Variants in CAST observed in about 807,000 individuals in gnomAD.
CAST encodes MIR583 host.
A neutral mutation model predicts 119.6 loss-of-function variants in CAST; 76 were observed. The observed-to-expected ratio is 0.64, with a 90% CI of 0.53 to 0.77. The LOEUF (loss-of-function observed/expected upper bound fraction) is 0.77, where lower values mean the gene tolerates loss of function less well. Ranked by LOEUF, CAST falls within the 30% of genes least tolerant of loss-of-function variation. The pLI is 0.00. For missense variants in CAST, 953 were observed against 946.5 expected, an observed-to-expected ratio of 1.01 and a Z score of -0.09; for synonymous variants, 319 against 331.6, an observed-to-expected ratio of 0.96 and a Z score of 0.41.
At chr5:96,310,369 C>T in the CAST span, among the ~76,000 whole-genome samples, 1 of 152,146 alleles carries the variant, frequency 6.6e-6, no homozygotes, top group East Asian at 1.9e-4. Flanking sequence ...TGATGTTAAT[C>T]AAAAATATTT....
the CAST span, among the ~76,000 whole-genome samples, chr5:96,387,793 G>T: frequency 6.6e-6 from 1 of 152,188 alleles, no homozygotes; most frequent in African/African-American, 2.4e-5. Context: ...TGTAAAATAT[G>T]TAAGACAGAA....
the CAST span, among the ~76,000 whole-genome samples, chr5:95,966,374 A>G: frequency 1.3e-5 from 2 of 152,146 alleles, no homozygotes; most frequent in Non-Finnish European, 2.9e-5. Flanking sequence ...TTCTAGCCTC[A>G]GCAAAGTCAA....
At chr5:96,657,924 T>G (rs1311122217), upstream of CAST, among the ~76,000 whole-genome samples, 1 of 151,940 alleles carries the variant, frequency 6.6e-6, no homozygotes. Flanking sequence ...TGGCAAAACC[T>G]CATCTCTACT....
At chr5:96,537,808 T>C (rs992769076) in intron 1 of CAST, among the ~76,000 whole-genome samples, 1 of 152,162 alleles carries the variant, frequency 6.6e-6, no homozygotes, top group African/African-American at 2.4e-5. Flanking sequence ...TCTCAGCACA[T>C]TTTCCCCATC....
the CAST span, among the ~76,000 whole-genome samples, chr5:96,083,910 T>C: frequency 1.6e-4 from 24 of 152,340 alleles, no homozygotes; most frequent in African/African-American, 5.1e-4. Flanking sequence ...ACTACTTGCA[T>C]TTGAATCCTG....
the CAST span, among the ~76,000 whole-genome samples, chr5:96,395,178 A>G: frequency 0.013 from 1,962 of 152,344 alleles, 124 homozygotes; most frequent in East Asian, 0.19. Context: ...CTCTTGCTAT[A>G]AAAATTGACA....
chr5:96,516,317 C>T, the CAST span, among the ~76,000 whole-genome samples: 22,403 of 151,858 alleles, frequency 0.15, 1,977 homozygotes, highest in Middle Eastern at 0.21. Flanking sequence ...CTCAGCTCAA[C>T]GATCTCCCAC....
chr5:96,754,387 C>T (rs1042648956), intron 21 of CAST, among the ~76,000 whole-genome samples: 1 of 152,172 alleles, frequency 6.6e-6, no homozygotes, highest in Admixed American at 6.5e-5. Flanking sequence ...GCCTCTGAGT[C>T]TCATCTTTGC....
chr5:96,745,507 T>C (rs1315812280), intron 16 of CAST, among the ~76,000 whole-genome samples: 1 of 152,242 alleles, frequency 6.6e-6, no homozygotes, highest in Non-Finnish European at 1.5e-5. Context: ...TAGGCTAAGA[T>C]GCAGATGGGG....
chr5:96,465,867 G>C, the CAST span, among the ~76,000 whole-genome samples: 4 of 152,052 alleles, frequency 2.6e-5, no homozygotes, highest in Admixed American at 2.6e-4. Flanking sequence ...ATCTAGGAAT[G>C]GGCACAGCCA....
At chr5:96,687,095 A>G (rs1399019493) in intron 2 of CAST, among the ~76,000 whole-genome samples, 3 of 152,220 alleles carry the variant, frequency 2.0e-5, no homozygotes, top group Non-Finnish European at 4.4e-5. Context: ...TGGAAAATTA[A>G]AAGGAAACAT....
intron 1 of CAST, among the ~76,000 whole-genome samples, chr5:96,603,409 C>T (rs1342476942): frequency 1.3e-5 from 2 of 151,614 alleles, no homozygotes; most frequent in East Asian, 1.9e-4. Context: ...TTTTTTTAAC[C>T]TTTTAAAAGC....
chr5:96,740,943 G>T (rs931557044), intron 13 of CAST, 160 bp downstream of exon 13: 1 of 624,022 alleles, frequency 1.6e-6, no homozygotes, highest in South Asian at 2.0e-5. Context: ...TGGGAGGGTT[G>T]TCTCAGTGCT....
the CAST span, among the ~76,000 whole-genome samples, chr5:96,062,354 G>A: frequency 6.6e-6 from 1 of 152,124 alleles, no homozygotes; most frequent in South Asian, 2.1e-4. Context: ...GGGTGTAAGT[G>A]CAGCATATCC....
Position 96,740,803 on chromosome 5 carries a change from T to A in CAST, c.918+20T>A. 2.0e-6 allele frequency: 3 copies of A among 1,513,426 alleles called. No homozygotes were observed. Among genetic ancestry groups the A allele is most frequent in the Non-Finnish European group, 2.8e-6 (3 of 1,088,574 alleles). The allele number at this position is 1,513,426 out of a possible 1,614,324, so 93.7% of individuals were successfully genotyped here. A position where few individuals can be genotyped will look rare whatever the true frequency, so the allele number is the denominator to read the frequency against. ...TCTTCGGTGAGTTTACATACATGTC[T>A]TCTGATCTAAATTAATAGTTTTATA... On this transcript the variant is annotated intron_variant, in intron 13 of 31. Transcript: ENST00000675179.
chr5:96,618,451 G>A lies in CAST; in HGVS notation c.61-57088G>A, dbSNP rs555650956. 1.9e-3 allele frequency among the ~76,000 whole-genome samples: 282 copies of A among 152,352 alleles called. 1 individual carries two copies. The highest frequency in any genetic ancestry group is 6.5e-3 in the African/African-American group (272 of 41,596). On this transcript the variant is annotated intron_variant, in intron 1 of 11. Transcript: ENST00000505143. ...TTCAGCCTGCCACTGCACTGTGGGA[G>A]CCCCTCTCTGGGCTGGCTGAGGCTG...
At chr5:96,482,280 C>T in the CAST span, among the ~76,000 whole-genome samples, 3,355 of 151,902 alleles carry the variant, frequency 0.022, 104 homozygotes, top group African/African-American at 0.073. Context: ...AAGGTTAGCA[C>T]AGGTTAGTAC....
intron 1 of CAST, among the ~76,000 whole-genome samples, chr5:96,634,831 A>C (rs1030512411): frequency 7.9e-5 from 12 of 152,332 alleles, no homozygotes; most frequent in Middle Eastern, 3.4e-3. Context: ...TTGTGACTAA[A>C]AACAACAACA....
chr5:96,130,021 C>CTTTT, the CAST span, among the ~76,000 whole-genome samples: 271 of 129,462 alleles, frequency 2.1e-3, 6 homozygotes, highest in Non-Finnish European at 3.3e-3. Context: ...AACACACACA[C>CTTTT]TTTTTTTTTT....
Sources: gnomAD v4.1 joint callset for allele counts (sites outside exome capture counted in the v4.1 genomes callset) on GRCh38, gnomAD v4.1.1 for gene constraint, MANE v1.5 for transcripts, NCBI Gene and HGNC (gene_info 2026-07-23, HGNC 2026-07-21) for gene names.